The following ACACB variants were observed in gnomAD, a reference collection of about 807,000 sequenced individuals.
ACACB encodes acetyl-CoA carboxylase 2.
A neutral mutation model predicts 278.8 loss-of-function variants in ACACB; 209 were observed. That is an observed-to-expected ratio of 0.75 (90% CI 0.67 to 0.84). The LOEUF (loss-of-function observed/expected upper bound fraction) is 0.84, where lower values mean the gene tolerates loss of function less well. ACACB is among the 40% of genes least tolerant of loss of function. ACACB has a pLI of 0.00. For synonymous variants in ACACB, 1,174 were observed against 1,285.6 expected (o/e 0.91, Z 1.86); for missense variants, 2,850 against 3,269.0 (o/e 0.87, Z 3.13).
intron 2 of ACACB, among the ~76,000 whole-genome samples, chr12:109,162,675 C>T (rs918727262): frequency 1.3e-5 from 2 of 152,142 alleles, no homozygotes; most frequent in African/African-American, 4.8e-5. Context: ...AGAACTTCCC[C>T]GTTCCCCCCG....
chr12:109,115,578 T>G (rs2135916304), upstream of ACACB, among the ~76,000 whole-genome samples: 1 of 107,744 alleles, frequency 9.3e-6, no homozygotes, highest in South Asian at 2.8e-4. Context: ...GCATTTGACC[T>G]GCATTCCTTC....
At chr12:109,164,888 T>C (rs1593442730) in intron 2 of ACACB, among the ~76,000 whole-genome samples, 3 of 151,852 alleles carry the variant, frequency 2.0e-5, no homozygotes, top group Admixed American at 2.0e-4. Flanking sequence ...TGGCCCTGAA[T>C]AGCCTTTCTT....
At chr12:109,223,569 C>A (rs1158572106) in intron 26 of ACACB, among the ~76,000 whole-genome samples, 1 of 152,070 alleles carries the variant, frequency 6.6e-6, no homozygotes, top group Admixed American at 6.6e-5. Context: ...CCAGCCTGGG[C>A]AACATGTGAG....
rs201086081 is a variant in ACACB, at chr12:109,201,698, C to A, written c.2910C>A (p.His970Gln). 4.5e-5 allele frequency: 73 copies of A among 1,613,688 alleles called. No homozygotes were observed. Among genetic ancestry groups the A allele is most frequent in the Middle Eastern group, 3.3e-4 (2 of 5,992 alleles). ...AGCTCGATGACCCTTCTAAAGTCCA[C>A]CCGGTATGTGGCTCCACGGCCCAAG... is the stretch of plus-strand genomic sequence containing the variant. ...RLELDDPSKV[H>Q]PAEPFTGELP... The change falls in exon 19 of 53, where the codon CAC becomes CAA. Residue 970 changes from histidine to glutamine, a missense_variant. His to Gln is a conservative substitution (Grantham distance 24, BLOSUM62 0). Coordinates refer to ENST00000338432, the MANE Select transcript of ACACB (RefSeq NM_001093.4).
chr12:109,221,294 G>T (rs2046153245), intron 24 of ACACB, among the ~76,000 whole-genome samples: 2 of 152,198 alleles, frequency 1.3e-5, no homozygotes, highest in Non-Finnish European at 2.9e-5. Flanking sequence ...TCTACCATCT[G>T]GTGACCTCTT....
intron 19 of ACACB, among the ~76,000 whole-genome samples, chr12:109,204,415 A>G (rs1025557896): frequency 6.6e-6 from 1 of 151,046 alleles, no homozygotes. Flanking sequence ...GCTGGGACTT[A>G]AGGCACCTGC....
chr12:109,240,682 T>C (rs2046770957), intron 35 of ACACB, among the ~76,000 whole-genome samples: 1 of 151,524 alleles, frequency 6.6e-6, no homozygotes, highest in African/African-American at 2.4e-5. Context: ...GTTTGGTATC[T>C]GGGGGATTCA....
chr12:109,134,534 G>A (rs1032019597), intron 1 of ACACB, among the ~76,000 whole-genome samples: 22 of 152,196 alleles, frequency 1.4e-4, no homozygotes, highest in African/African-American at 4.6e-4. Flanking sequence ...CTGAGGGCAT[G>A]TGTGAGCCAG....
intron 12 of ACACB, among the ~76,000 whole-genome samples, 153 bp from the exon 13 acceptor site, chr12:109,187,846 C>T (rs1325913499): frequency 6.6e-6 from 1 of 152,132 alleles, no homozygotes; most frequent in Admixed American, 6.5e-5. Context: ...ATAGATACAT[C>T]CATACCTGTA....
chr12:109,159,475 A>G (rs1018559552), intron 2 of ACACB, among the ~76,000 whole-genome samples: 33 of 152,346 alleles, frequency 2.2e-4, no homozygotes, highest in African/African-American at 7.7e-4. Context: ...GGCTAGGTCC[A>G]GGGATAAACT....
chr12:109,161,114 A>G, intron 2 of ACACB, among the ~76,000 whole-genome samples: 1 of 152,194 alleles, frequency 6.6e-6, no homozygotes. Context: ...GAGAGTTCTC[A>G]AGGAACTAAA....
At chr12:109,231,201 G>A (rs1055733189) in intron 28 of ACACB, among the ~76,000 whole-genome samples, 1 of 152,072 alleles carries the variant, frequency 6.6e-6, no homozygotes, top group African/African-American at 2.4e-5. Flanking sequence ...GTGCTGGGTG[G>A]GAACTGGCTA....
intron 43 of ACACB, among the ~76,000 whole-genome samples, chr12:109,253,468 C>T (rs2047148778): frequency 6.6e-6 from 1 of 152,176 alleles, no homozygotes; most frequent in Admixed American, 6.5e-5. Flanking sequence ...GCTTTACAGT[C>T]AGGCTGGATT....
Position 109,266,255 on chromosome 12 carries a change from G to C in ACACB, c.7270G>C (p.Glu2424Gln). 1 of 1,612,934 alleles carries C rather than the reference G, an allele frequency of 6.2e-7. No individual in the cohort carries two copies. The highest frequency in any genetic ancestry group is 8.5e-7 in the Non-Finnish European group (1 of 1,179,594). Residue 2424 changes from glutamate to glutamine, a missense_variant, in exon 53 of 53, where the codon GAG (glutamate) becomes CAG (glutamine). This residue lies in a region of ACACB where 579 missense variants were observed against 684.6 expected (regional missense o/e 0.85). Coordinates refer to ENST00000338432, the MANE Select transcript of ACACB (RefSeq NM_001093.4). ...CCACAGCCTGGTTGAAGAAAACCCC[G>C]AGGTGGCCGTGGACTGTGTGATATA... ...TIRGLVEENP[E>Q]VAVDCVIYLS...
In ACACB at chr12:109,264,357, G is replaced by A. The variant is rs140217207; in HGVS notation, c.6913G>A (p.Gly2305Ser). 5.7e-4 allele frequency: 928 copies of A among 1,614,054 alleles called. No individual in the cohort carries two copies. The highest frequency in any genetic ancestry group is 7.0e-4 in the Non-Finnish European group (827 of 1,180,022). The change falls in exon 50 of 53, where the codon GGC (glycine) becomes AGC (serine). Residue 2305 changes from glycine to serine, a missense_variant. This residue lies in a region of ACACB where 579 missense variants were observed against 684.6 expected (regional missense o/e 0.85). Coordinates refer to ENST00000338432, the MANE Select transcript of ACACB (RefSeq NM_001093.4). ...VQFADFHDTP[G>S]RMLEKGVISD... is the part of the protein sequence containing the mutation. ...GTTCGCCGACTTCCATGACACACCC[G>A]GCCGGATGCTGGAGAAGGGCGTCAT...
chr12:109,265,307 G>A (rs571088802), intron 51 of ACACB, 27 bp downstream of exon 51: 15 of 1,611,892 alleles, frequency 9.3e-6, no homozygotes, highest in Non-Finnish European at 1.2e-5. Context: ...AACGAGGCCG[G>A]TGAGCACAGG....
chr12:109,175,347 T>C (rs979628026), intron 7 of ACACB, among the ~76,000 whole-genome samples: 6 of 152,140 alleles, frequency 3.9e-5, no homozygotes, highest in African/African-American at 1.4e-4. Context: ...TAAGGTAGAA[T>C]TGGGATTTTT....
At chr12:109,180,755 ATCAGGG>A (rs1325800798) in intron 11 of ACACB, among the ~76,000 whole-genome samples, 2 of 152,134 alleles carry the variant, frequency 1.3e-5, no homozygotes, top group Non-Finnish European at 2.9e-5. Context: ...TAATAATCAC[ATCAGGG>A]TAAATGGGTA....
chr12:109,260,742 A>T, intron 48 of ACACB, 85 bp downstream of exon 48: 1 of 1,322,278 alleles, frequency 7.6e-7, no homozygotes, highest in East Asian at 2.7e-5. Context: ...TCATGGAGGG[A>T]TGCAGTGGCT....
Sources: allele counts gnomAD v4.1 joint callset (sites outside exome capture counted in the v4.1 genomes callset), GRCh38; gene constraint gnomAD v4.1.1; regional missense constraint gnomAD v4.1.1; transcripts MANE v1.5; gene names NCBI Gene and HGNC (gene_info 2026-07-23, HGNC 2026-07-21).